CCDC171: variants seen among roughly 807,000 people sequenced by gnomAD.
The protein encoded by CCDC171 is coiled-coil domain-containing protein 171.
CCDC171 carries 177 observed loss-of-function variants against 168.2 expected under a neutral mutation model. That is an observed-to-expected ratio of 1.05 (90% CI 0.93 to 1.19). The LOEUF is 1.19. Among genes scored for constraint, CCDC171 ranks in the 50% most tolerant of loss-of-function variants. The pLI, the probability that CCDC171 is intolerant of heterozygous loss-of-function variation, is 0.00. For missense variants in CCDC171, 1,991 were observed against 1,539.0 expected (o/e 1.29, Z -4.91); for synonymous variants, 687 against 540.8 (o/e 1.27, Z -3.75).
intron 11 of CCDC171, among the ~76,000 whole-genome samples, chr9:15,712,126 T>C (rs1399499159): frequency 6.6e-6 from 1 of 152,234 alleles, no homozygotes; most frequent in Non-Finnish European, 1.5e-5. Flanking sequence ...AAGCATTCTT[T>C]CTTACTCAGG....
chr9:15,725,113 A>G (rs2134246012), intron 14 of CCDC171, 137 bp downstream of exon 14: 1 of 640,560 alleles, frequency 1.6e-6, no homozygotes, highest in African/African-American at 1.8e-5. Flanking sequence ...TGTGACAGCT[A>G]CAAAATCACT....
intron 25 of CCDC171, among the ~76,000 whole-genome samples, chr9:15,947,254 T>C (rs113226115): frequency 1.3e-5 from 2 of 152,108 alleles, no homozygotes; most frequent in East Asian, 2.0e-4. Context: ...TAAAAACTTA[T>C]AGGGTGTTTG....
At chr9:15,916,746 G>C (rs1290181368) in intron 24 of CCDC171, among the ~76,000 whole-genome samples, 1 of 151,934 alleles carries the variant, frequency 6.6e-6, no homozygotes, top group Non-Finnish European at 1.5e-5. Flanking sequence ...TTAAAAAATG[G>C]ATAGATGTGG....
At chr9:15,682,133 T>G (rs963405515) in intron 10 of CCDC171, among the ~76,000 whole-genome samples, 30 of 152,078 alleles carry the variant, frequency 2.0e-4, no homozygotes. Flanking sequence ...CTCTATAGGT[T>G]TACTCGTGAG....
At chr9:15,945,328 C>A (rs538793326) in intron 25 of CCDC171, among the ~76,000 whole-genome samples, 1 of 145,768 alleles carries the variant, frequency 6.9e-6, no homozygotes. Flanking sequence ...TGAATAATGC[C>A]GCAATAAACA....
At chr9:15,730,731 G>A (rs2054099850) in intron 16 of CCDC171, among the ~76,000 whole-genome samples, 1 of 151,848 alleles carries the variant, frequency 6.6e-6, no homozygotes, top group Admixed American at 6.6e-5. Flanking sequence ...ATGAACTTAT[G>A]CCTTTCTATA....
Position 15,695,410 on chromosome 9 carries a change from G to C in CCDC171, c.1318+73G>C, listed in dbSNP as rs373970644. ...GTCACTACATTTTGGGAATTCTGCA[G>C]ATGCCTCTTGTAGTCCCTCATCTCA... On this transcript the variant is annotated intron_variant, in intron 11 of 25. Coordinates refer to ENST00000380701, the MANE Select transcript of CCDC171 (RefSeq NM_173550.4). The C allele has an allele frequency of 1.7e-5, 18 of 1,083,040 alleles. No individual in the cohort carries two copies. The African/African-American group carries it at 1.9e-4, about 11-fold the overall frequency. The allele number at this position is 1,083,040 out of a possible 1,614,324, so 67.1% of individuals were successfully genotyped here.
chr9:15,774,531 A>G lies in CCDC171; in HGVS notation c.2672-3069A>G, dbSNP rs558010641. Among the ~76,000 whole-genome samples, 9 of 152,340 alleles carry G rather than the reference A, an allele frequency of 5.9e-5. No individual in the cohort carries two copies. The East Asian group carries it at 1.7e-3, about 29-fold the overall frequency. On this transcript the variant is annotated intron_variant, in intron 18 of 25. Transcript: ENST00000380701. ...GGGAATGTAAACTAGTACAACCACTATGGAAAACAGTGTGGAGATTCATTA... is the reference window on the plus strand; with the variant it reads ...GGGAATGTAAACTAGTACAACCACTGTGGAAAACAGTGTGGAGATTCATTA...
At position 15,657,183 on chromosome 9, in the gene CCDC171, G is replaced by T. The variant is rs146185244; in HGVS notation, c.879G>T (p.Ala293=). ...LEENIEAERA[A]HLESKFNSEI... is the part of the protein sequence containing the mutation. ...AAAACATTGAAGCAGAAAGAGCAGC[G>T]CATTTGGAATCAAAATTTAATTCTG... Residue 293 remains alanine, a synonymous_variant, in exon 8 of 26, where the codon GCG becomes GCT. Transcript: ENST00000380701. 2.9e-5 allele frequency: 46 copies of T among 1,611,040 alleles called. No homozygotes were observed. Among genetic ancestry groups the T allele is most frequent in the Non-Finnish European group, 3.9e-5 (46 of 1,177,936 alleles).
intron 6 of CCDC171, among the ~76,000 whole-genome samples, chr9:16,033,268 G>T (rs754898283): frequency 6.6e-6 from 1 of 152,228 alleles, no homozygotes; most frequent in African/African-American, 2.4e-5. Context: ...ACTGGTACCA[G>T]TCCGTGGCCC....
chr9:15,794,108 A>G (rs1453000895), intron 21 of CCDC171, among the ~76,000 whole-genome samples: 3 of 152,050 alleles, frequency 2.0e-5, no homozygotes, highest in Admixed American at 6.6e-5. Context: ...GAAGTTTGAT[A>G]TAGGTTTTTA....
At chr9:15,785,568 GT>G (rs1229540052) in intron 21 of CCDC171, among the ~76,000 whole-genome samples, 1 of 152,052 alleles carries the variant, frequency 6.6e-6, no homozygotes, top group Non-Finnish European at 1.5e-5. Context: ...CACACAAACT[GT>G]ATGGGATTAT....
rs538759440 is a variant in CCDC171 at position 15,915,437 on chromosome 9, G to A, written c.3601-4833G>A. Among the ~76,000 whole-genome samples the A allele has an allele frequency of 5.3e-4, 81 of 151,922 alleles. 1 individual carries two copies. In the South Asian group the frequency reaches 0.017, roughly 31 times the overall value. On this transcript the variant is annotated intron_variant, in intron 24 of 25. Transcript: ENST00000380701. ...CTCAGATAGATTATTATGGGTGTAT[G>A]GAAATGCTGCTGATTTGTGTACATT...
At chr9:15,759,407 T>A (rs2056324139) in intron 18 of CCDC171, among the ~76,000 whole-genome samples, 1 of 152,198 alleles carries the variant, frequency 6.6e-6, no homozygotes. Flanking sequence ...ATAACCAGAA[T>A]GCAACTGTCA....
At chr9:15,591,257 T>C in intron 4 of CCDC171, 109 bp from the exon 5 acceptor site, 1 of 650,988 alleles carries the variant, frequency 1.5e-6, no homozygotes, top group Non-Finnish European at 2.6e-6. Flanking sequence ...GTTAAATGTT[T>C]TATCCTAAGA....
intron 21 of CCDC171, among the ~76,000 whole-genome samples, chr9:15,806,630 C>T (rs2059091018): frequency 6.6e-6 from 1 of 151,000 alleles, no homozygotes; most frequent in African/African-American, 2.4e-5. Flanking sequence ...AGGTGGCCTG[C>T]CCTTTTTCTC....
intron 3 of CCDC171, among the ~76,000 whole-genome samples, chr9:15,980,937 G>A (rs1831776018): frequency 6.6e-6 from 1 of 151,912 alleles, no homozygotes; most frequent in African/African-American, 2.4e-5. Flanking sequence ...CCATGTGGTT[G>A]GGAAGCCTCA....
intron 11 of CCDC171, among the ~76,000 whole-genome samples, chr9:15,713,222 G>T (rs924164429): frequency 6.6e-6 from 1 of 152,082 alleles, no homozygotes; most frequent in African/African-American, 2.4e-5. Flanking sequence ...CTGTTCTCCC[G>T]AGCCAGCCTT....
At position 15,657,113 on chromosome 9, in the gene CCDC171, T is replaced by A. The variant is rs760777286; in HGVS notation, c.823-14T>A. 1 of 1,496,866 alleles carries A rather than the reference T, an allele frequency of 6.7e-7. No individual in the cohort carries two copies. Among genetic ancestry groups the A allele is most frequent in the East Asian group, 2.3e-5 (1 of 44,142 alleles). The allele number at this position is 1,496,866 out of a possible 1,614,324, so 92.7% of individuals were successfully genotyped here. A position where few individuals can be genotyped will look rare whatever the true frequency, so the allele number is the denominator to read the frequency against. ...ACCAATGTTTATGAATTTAAACTTT[T>A]AATTTGTTTTCAGGCAACTACTCTA... On this transcript the variant is annotated splice_polypyrimidine_tract_variant and intron_variant, in intron 7 of 25. Coordinates refer to ENST00000380701, the MANE Select transcript of CCDC171 (RefSeq NM_173550.4).
Sources: gnomAD v4.1 joint callset for allele counts (sites outside exome capture counted in the v4.1 genomes callset) on GRCh38, gnomAD v4.1.1 for gene constraint, MANE v1.5 for transcripts, NCBI Gene and HGNC (gene_info 2026-07-23, HGNC 2026-07-21) for gene names.